The following PCDH15 variants were observed in gnomAD, a reference collection of about 807,000 sequenced individuals.
The protein encoded by PCDH15 is protocadherin related 15, also known as protocadherin-15.
In PCDH15, 129 loss-of-function variants were observed where a neutral mutation model predicts 178.5. That is an observed-to-expected ratio of 0.72 (90% CI 0.63 to 0.84). PCDH15 has a LOEUF of 0.84. Among genes scored for constraint, PCDH15 ranks in the 40% least tolerant of loss-of-function variants. The probability of loss-of-function intolerance (pLI) is 0.00; values close to 1 mark genes in which losing one functional copy is unlikely to be tolerated. For synonymous variants in PCDH15, 800 were observed against 732.0 expected (o/e 1.09, Z -1.50); for missense variants, 2,230 against 2,099.9 (o/e 1.06, Z -1.21).
At chr10:53,852,522 TG>T (rs1430875916) in intron 28 of PCDH15, among the ~76,000 whole-genome samples, 2 of 152,124 alleles carry the variant, frequency 1.3e-5, no homozygotes, top group Non-Finnish European at 2.9e-5. Flanking sequence ...TCATTTCAGC[TG>T]ATTCAGTGAG....
chr10:54,395,110 C>A (rs1316586154), intron 3 of PCDH15, among the ~76,000 whole-genome samples: 1 of 152,002 alleles, frequency 6.6e-6, no homozygotes, highest in Non-Finnish European at 1.5e-5. Flanking sequence ...TCCTCCTCAG[C>A]TGACAGGATT....
At chr10:54,851,719 C>G (rs1388600094) in intron 3 of PCDH15, among the ~76,000 whole-genome samples, 2 of 151,980 alleles carry the variant, frequency 1.3e-5, no homozygotes, top group Non-Finnish European at 2.9e-5. Context: ...CTTAGCCTCC[C>G]AAACTACGCC....
At chr10:53,816,798 G>A (rs989741847) in intron 34 of PCDH15, among the ~76,000 whole-genome samples, 6 of 152,158 alleles carry the variant, frequency 3.9e-5, no homozygotes, top group African/African-American at 1.4e-4. Context: ...TTACCAAAGT[G>A]TGGATTTCTT....
At chr10:55,100,108 T>C (rs1422075677) in intron 2 of PCDH15, among the ~76,000 whole-genome samples, 2 of 152,122 alleles carry the variant, frequency 1.3e-5, no homozygotes, top group African/African-American at 2.4e-5. Flanking sequence ...AATACAATGA[T>C]AAATAATCAC....
At position 53,950,470 on chromosome 10, in the gene PCDH15, T is replaced by C. The variant is rs377491608; in HGVS notation, c.3122+9262A>G. On this transcript the variant is annotated intron_variant, in intron 23 of 37. Coordinates refer to ENST00000644397, the MANE Select transcript of PCDH15 (RefSeq NM_001384140.1). ...CAAAGGCCTACCTATATAGGTGGCA[T>C]ATATCTTTGAAAATTTTGCAATTAA... 1.8e-4 allele frequency among the ~76,000 whole-genome samples: 27 copies of C among 152,296 alleles called. No homozygotes were observed. The East Asian group carries it at 4.2e-3, about 24-fold the overall frequency.
At chr10:55,339,217 C>T (rs1370868653) in intron 2 of PCDH15, among the ~76,000 whole-genome samples, 1 of 152,092 alleles carries the variant, frequency 6.6e-6, no homozygotes, top group African/African-American at 2.4e-5. Flanking sequence ...TTAATTATTA[C>T]ATACTGTATG....
chr10:54,240,279 A>G (rs1160996349), intron 8 of PCDH15, among the ~76,000 whole-genome samples: 2 of 152,012 alleles, frequency 1.3e-5, no homozygotes, highest in East Asian at 3.9e-4. Flanking sequence ...TTTTTTTTTA[A>G]CAACAGGGTA....
chr10:54,896,681 ACTTT>A (rs1264162869), intron 3 of PCDH15, among the ~76,000 whole-genome samples: 4 of 152,110 alleles, frequency 2.6e-5, no homozygotes, highest in African/African-American at 7.2e-5. Context: ...ATATTTCTGC[ACTTT>A]CTTCCTTCCT....
At chr10:55,330,644 A>G (rs993665817) in intron 2 of PCDH15, among the ~76,000 whole-genome samples, 1 of 151,940 alleles carries the variant, frequency 6.6e-6, no homozygotes, top group Non-Finnish European at 1.5e-5. Flanking sequence ...ATTTTCACTG[A>G]GAATGACCAT....
chr10:54,062,429 T>C (rs945192499), intron 18 of PCDH15, among the ~76,000 whole-genome samples: 1 of 151,888 alleles, frequency 6.6e-6, no homozygotes, highest in Admixed American at 6.6e-5. Flanking sequence ...TAAAATTAAA[T>C]TTTACAAGCA....
At chr10:54,344,433 T>C (rs765047115) in intron 6 of PCDH15, among the ~76,000 whole-genome samples, 4 of 152,138 alleles carry the variant, frequency 2.6e-5, no homozygotes, top group South Asian at 2.1e-4. Context: ...TTATTAACTG[T>C]CTACATTTTA....
intron 2 of PCDH15, among the ~76,000 whole-genome samples, chr10:54,616,083 C>A (rs1485251952): frequency 1.3e-5 from 2 of 151,774 alleles, no homozygotes; most frequent in Non-Finnish European, 2.9e-5. Flanking sequence ...TTTTAATGTG[C>A]AAAGCCTTTA....
chr10:55,023,631 A>G (rs1840393974), intron 2 of PCDH15, among the ~76,000 whole-genome samples: 1 of 152,102 alleles, frequency 6.6e-6, no homozygotes, highest in Admixed American at 6.6e-5. Context: ...TTTATATCTC[A>G]TTATTTGAAA....
chr10:55,133,076 G>T (rs774249952), intron 2 of PCDH15, among the ~76,000 whole-genome samples: 3 of 152,262 alleles, frequency 2.0e-5, no homozygotes, highest in Non-Finnish European at 4.4e-5. Flanking sequence ...GATAGATCTC[G>T]ATTTGATTGA....
At chr10:54,742,630 G>A (rs1944956128) in intron 1 of PCDH15, among the ~76,000 whole-genome samples, 1 of 151,974 alleles carries the variant, frequency 6.6e-6, no homozygotes. Flanking sequence ...TCCTGAGTAA[G>A]GCTATAAGGA....
At chr10:55,081,478 T>C (rs559134221) in intron 2 of PCDH15, among the ~76,000 whole-genome samples, 45 of 152,272 alleles carry the variant, frequency 3.0e-4, no homozygotes, top group African/African-American at 1.0e-3. Context: ...TGGAGTACTT[T>C]CATCTTAATG....
At chr10:54,913,363 C>G (rs772132095) in intron 2 of PCDH15, among the ~76,000 whole-genome samples, 5 of 152,172 alleles carry the variant, frequency 3.3e-5, no homozygotes, top group Non-Finnish European at 7.3e-5. Flanking sequence ...AAGGTGCAAG[C>G]CCCAAGCATT....
intron 1 of PCDH15, 113 bp from the exon 2 acceptor site, chr10:54,664,403 T>C (rs1468998112): frequency 4.3e-6 from 3 of 700,922 alleles, no homozygotes. Context: ...TAATTACCTG[T>C]GCCACATTAT....
chr10:54,999,025 TTATGTATA>T (rs544924692), intron 2 of PCDH15, among the ~76,000 whole-genome samples: 181 of 152,218 alleles, frequency 1.2e-3, no homozygotes, highest in African/African-American at 4.0e-3. Context: ...TTCTTAGTTT[TTATGTATA>T]TATGTATATA....
Sources: gnomAD v4.1 joint callset for allele counts (sites outside exome capture counted in the v4.1 genomes callset) on GRCh38, gnomAD v4.1.1 for gene constraint, MANE v1.5 for transcripts, NCBI Gene and HGNC (gene_info 2026-07-23, HGNC 2026-07-21) for gene names.